The following TAFA2 variants were observed in gnomAD, a reference collection of about 807,000 sequenced individuals.
The protein encoded by TAFA2 is TAFA chemokine like family member 2, also known as chemokine-like protein TAFA-2.
Under a neutral mutation model 18.8 loss-of-function variants are expected in TAFA2, and 7 were observed. The ratio of observed to expected loss-of-function variants is 0.37; its 90% CI spans 0.21 to 0.70. The LOEUF is 0.70. Among genes scored for constraint, TAFA2 ranks in the 30% least tolerant of loss-of-function variants. The pLI, the probability that TAFA2 is intolerant of heterozygous loss-of-function variation, is 0.53. For synonymous variants in TAFA2, 60 were observed against 54.2 expected (o/e 1.11, Z -0.47); for missense variants, 122 against 158.1 (o/e 0.77, Z 1.23).
At chr12:62,215,953 G>T (rs1480781471) in intron 1 of TAFA2, among the ~76,000 whole-genome samples, 1 of 151,948 alleles carries the variant, frequency 6.6e-6, no homozygotes, top group African/African-American at 2.4e-5. Context: ...CAAAAGATGG[G>T]GTTTCTAGAG....
At chr12:62,027,558 A>G (rs1330570095) in intron 1 of TAFA2, among the ~76,000 whole-genome samples, 4 of 150,126 alleles carry the variant, frequency 2.7e-5, no homozygotes, top group Non-Finnish European at 4.5e-5. Context: ...TGGAATCCCA[A>G]AAGTCTAATG....
intron 4 of TAFA2, among the ~76,000 whole-genome samples, chr12:61,732,731 TTTTG>T (rs1204863599): frequency 9.0e-6 from 1 of 111,502 alleles, no homozygotes; most frequent in Non-Finnish European, 2.1e-5. Context: ...GCAAGTGATT[TTTTG>T]TGTGTGTGTG....
chr12:62,184,576 T>A (rs2062573148), intron 1 of TAFA2, among the ~76,000 whole-genome samples: 1 of 143,298 alleles, frequency 7.0e-6, no homozygotes, highest in African/African-American at 2.6e-5. Flanking sequence ...TCAATGCAGC[T>A]GTGACCTCCC....
intron 1 of TAFA2, among the ~76,000 whole-genome samples, chr12:62,052,966 G>T (rs567502233): frequency 1.1e-3 from 169 of 152,290 alleles, no homozygotes; most frequent in African/African-American, 3.8e-3. Flanking sequence ...CTGGCTAAAA[G>T]GTGATGGGAA....
intron 2 of TAFA2, among the ~76,000 whole-genome samples, chr12:61,858,274 A>C (rs936237397): frequency 6.6e-6 from 1 of 152,108 alleles, no homozygotes; most frequent in Non-Finnish European, 1.5e-5. Context: ...CAGCCCATTC[A>C]ACACTTTTGT....
At chr12:61,748,296 A>G (rs764850644) in intron 4 of TAFA2, among the ~76,000 whole-genome samples, 3 of 152,144 alleles carry the variant, frequency 2.0e-5, no homozygotes, top group Non-Finnish European at 4.4e-5. Context: ...GAGTTGCATT[A>G]AAATAATTAG....
At chr12:61,976,082 G>T (rs376420376) in intron 1 of TAFA2, among the ~76,000 whole-genome samples, 1 of 151,636 alleles carries the variant, frequency 6.6e-6, no homozygotes, top group African/African-American at 2.4e-5. Flanking sequence ...TTTACCAAAC[G>T]ATATAATTAC....
intron 1 of TAFA2, among the ~76,000 whole-genome samples, chr12:62,188,129 G>A (rs1053296618): frequency 3.9e-5 from 6 of 152,034 alleles, no homozygotes; most frequent in African/African-American, 7.3e-5. Context: ...TCTTTGTTTC[G>A]ATGAAGCCCT....
chr12:62,234,882 C>T, intron 1 of TAFA2: 1 of 1,020,492 alleles, frequency 9.8e-7, no homozygotes, highest in Non-Finnish European at 1.5e-6. Flanking sequence ...CTCGGGGCAT[C>T]CCACGATCAT....
intron 2 of TAFA2, among the ~76,000 whole-genome samples, chr12:61,780,129 A>G (rs1870443006): frequency 6.9e-6 from 1 of 143,912 alleles, no homozygotes; most frequent in South Asian, 2.4e-4. Context: ...GTCACAGGAC[A>G]TATGGAAGAG....
rs1004043586 is a variant in TAFA2, at chr12:62,057,744, C to T, written c.-2+133515G>A. On this transcript the variant is annotated intron_variant, in intron 1 of 4. Transcript: ENST00000416284. ...GATAGGAATTTAGGCCACTTTAAAT[C>T]CTTAATACTTCACACTCAATTATTT... 6.6e-5 allele frequency among the ~76,000 whole-genome samples: 10 copies of T among 152,262 alleles called. No homozygotes were observed. The East Asian group carries it at 1.9e-3, about 29-fold the overall frequency.
At chr12:61,838,343 C>G (rs1304026626) in intron 2 of TAFA2, among the ~76,000 whole-genome samples, 2 of 151,968 alleles carry the variant, frequency 1.3e-5, no homozygotes. Context: ...TCCAATAAAT[C>G]CCGCTTTTCC....
chr12:62,127,022 A>T (rs752086285), intron 1 of TAFA2, among the ~76,000 whole-genome samples: 73 of 152,102 alleles, frequency 4.8e-4, no homozygotes, highest in Non-Finnish European at 8.5e-4. Context: ...CATTTGAATT[A>T]AACATCACAT....
chr12:61,751,333 A>T (rs1408990180), intron 4 of TAFA2, among the ~76,000 whole-genome samples: 1 of 152,052 alleles, frequency 6.6e-6, no homozygotes, highest in Non-Finnish European at 1.5e-5. Context: ...TCTATTTGGA[A>T]TGCCATAGTG....
rs190681049 is a variant in TAFA2 at position 61,881,023 on chromosome 12, G to T, written c.-1-13597C>A. ...TCTGCCAACTATCAAAAAGAAAAAA[G>T]AGTTTGATAATGAAAACAATTCTAA... On this transcript the variant is annotated intron_variant, in intron 1 of 4. Transcript: ENST00000416284. Among the ~76,000 whole-genome samples, 141 of 151,984 alleles carry T rather than the reference G, an allele frequency of 9.3e-4. 1 individual carries two copies. The highest frequency in any genetic ancestry group is 3.2e-3 in the African/African-American group (134 of 41,430).
At chr12:61,930,750 T>A (rs1315167614) in intron 1 of TAFA2, among the ~76,000 whole-genome samples, 2 of 152,238 alleles carry the variant, frequency 1.3e-5, no homozygotes, top group African/African-American at 4.8e-5. Context: ...ATTTTCAGAA[T>A]TTTTTGTCTT....
At chr12:61,968,539 G>T (rs752095299) in intron 1 of TAFA2, among the ~76,000 whole-genome samples, 1 of 151,666 alleles carries the variant, frequency 6.6e-6, no homozygotes, top group Non-Finnish European at 1.5e-5. Context: ...AGCATTTTGG[G>T]CTTGTTGTGT....
Position 62,063,162 on chromosome 12 carries a change from G to A in TAFA2, c.-2+128097C>T, listed in dbSNP as rs1041352222. Reference sequence around the variant, plus strand: ...ACATATTTGGGGGGACCGTTATTCCGCCTGCCACACAGCCCTAGTGACTTG... The same window carrying A: ...ACATATTTGGGGGGACCGTTATTCCACCTGCCACACAGCCCTAGTGACTTG... On this transcript the variant is annotated intron_variant, in intron 1 of 4. Coordinates refer to ENST00000416284, the MANE Select transcript of TAFA2 (RefSeq NM_178539.5). Among the ~76,000 whole-genome samples the A allele has an allele frequency of 5.3e-5, 8 of 152,008 alleles. No individual in the cohort carries two copies. In the East Asian group the frequency reaches 9.6e-4, roughly 18 times the overall value.
chr12:62,151,535 A>G (rs972079601), intron 1 of TAFA2, among the ~76,000 whole-genome samples: 1 of 152,250 alleles, frequency 6.6e-6, no homozygotes, highest in African/African-American at 2.4e-5. Flanking sequence ...GTAGTTATTT[A>G]GTGTCATAGA....
Sources: allele counts gnomAD v4.1 joint callset (sites outside exome capture counted in the v4.1 genomes callset), GRCh38; gene constraint gnomAD v4.1.1; transcripts MANE v1.5; gene names NCBI Gene and HGNC (gene_info 2026-07-23, HGNC 2026-07-21).